Variants in PELI2 observed in about 807,000 individuals in gnomAD.
PELI2 encodes E3 ubiquitin-protein ligase pellino homolog 2.
A neutral mutation model predicts 42.3 loss-of-function variants in PELI2; 23 were observed. The observed-to-expected ratio is 0.54, with a 90% confidence interval of 0.39 to 0.77. PELI2 has a LOEUF of 0.77. Ranked by LOEUF, PELI2 falls within the 30% of genes least tolerant of loss-of-function variation. The pLI is 0.00. For missense variants in PELI2, 463 were observed against 553.2 expected, an observed-to-expected ratio of 0.84 and a Z score of 1.64; for synonymous variants, 245 against 212.2, an observed-to-expected ratio of 1.15 and a Z score of -1.34.
intron 2 of PELI2, among the ~76,000 whole-genome samples, chr14:56,227,166 G>T (rs1389026629): frequency 6.6e-6 from 1 of 152,210 alleles, no homozygotes; most frequent in Non-Finnish European, 1.5e-5. Flanking sequence ...CATTAGGTGG[G>T]CCTGGGCAAG....
chr14:56,223,705 T>C (rs1887236285), intron 2 of PELI2, among the ~76,000 whole-genome samples: 2 of 152,238 alleles, frequency 1.3e-5, no homozygotes, highest in African/African-American at 2.4e-5. Flanking sequence ...ATTAACTCCA[T>C]TGAGGGCCAA....
At chr14:56,226,439 C>T (rs995475957) in intron 2 of PELI2, among the ~76,000 whole-genome samples, 1 of 152,194 alleles carries the variant, frequency 6.6e-6, no homozygotes, top group Non-Finnish European at 1.5e-5. Flanking sequence ...TTGTCCTTTT[C>T]TGGTAACAAT....
chr14:56,227,690 T>G (rs982048805), intron 2 of PELI2, among the ~76,000 whole-genome samples: 1 of 152,202 alleles, frequency 6.6e-6, no homozygotes, highest in Admixed American at 6.5e-5. Context: ...ACAGCGGACA[T>G]CCAGATCTCG....
In PELI2 at chr14:56,118,728, TG is replaced by T; in HGVS notation, c.70del (p.Val24CysfsTer38). The T allele has an allele frequency of 1.3e-6, 2 of 1,527,572 alleles. No homozygotes were observed. Among genetic ancestry groups the T allele is most frequent in the South Asian group, 1.2e-5 (1 of 82,674 alleles). 94.6% of individuals were successfully genotyped at this position (1,527,572 alleles called of 1,614,324 possible). On this transcript the variant is annotated frameshift_variant, in exon 1 of 6. Coordinates refer to ENST00000267460, the MANE Select transcript of PELI2 (RefSeq NM_021255.3). LOFTEE classifies it high-confidence loss of function. ...NKEPVKYGEL[V>X]VLGYNGALPN... is the part of the protein sequence containing the mutation. ...GAGCCAGTGAAATACGGGGAGCTGG[TG>T]GTGCTCGGGTGAGTCCTGGGGTCCC...
intron 2 of PELI2, among the ~76,000 whole-genome samples, chr14:56,228,670 C>T (rs1026450391): frequency 1.3e-5 from 2 of 152,220 alleles, no homozygotes; most frequent in African/African-American, 2.4e-5. Context: ...TTCCAGTCTA[C>T]AGCTCCCAGT....
intron 2 of PELI2, among the ~76,000 whole-genome samples, chr14:56,243,990 A>G (rs1888066386): frequency 6.6e-6 from 1 of 152,194 alleles, no homozygotes; most frequent in Non-Finnish European, 1.5e-5. Flanking sequence ...AACTTTGTCA[A>G]ATAGGGGCAT....
chr14:56,288,724 T>C lies in PELI2; in HGVS notation c.507+90T>C. On this transcript the variant is annotated intron_variant, in intron 4 of 5. Transcript: ENST00000267460. The surrounding 1 kb of genome is among the most constrained non-coding windows in gnomAD (Gnocchi z 4.6). Reference sequence around the variant, plus strand: ...AATTGGAGCAAAAAAAAATTGGCTTTGTATGTTGCCTCTAGTGAGATTTTG... The same window carrying C: ...AATTGGAGCAAAAAAAAATTGGCTTCGTATGTTGCCTCTAGTGAGATTTTG... 1.0e-6 allele frequency: 1 copy of C among 976,366 alleles called. No individual in the cohort carries two copies. Among genetic ancestry groups the C allele is most frequent in the South Asian group, 1.5e-5 (1 of 68,044 alleles). 60.5% of individuals were successfully genotyped at this position (976,366 alleles called of 1,614,324 possible).
chr14:56,231,465 T>C (rs972599408), intron 2 of PELI2, among the ~76,000 whole-genome samples: 5 of 152,164 alleles, frequency 3.3e-5, no homozygotes, highest in East Asian at 1.9e-4. Flanking sequence ...CACTCAAAAC[T>C]GCTCAACTAC....
In PELI2 at chr14:56,288,518, A is replaced by C; in HGVS notation, c.391A>C (p.Ile131Leu). 1 of 1,614,144 alleles carries C rather than the reference A, an allele frequency of 6.2e-7. No homozygotes were observed. The highest frequency in any genetic ancestry group is 8.5e-7 in the Non-Finnish European group (1 of 1,179,998). Residue 131 changes from isoleucine (I) to leucine (L), a missense_variant, in exon 4 of 6, where the codon ATC (isoleucine) becomes CTC (leucine). This residue lies in a region of PELI2 where 343 missense variants were observed against 378.4 expected (regional missense o/e 0.91). Coordinates refer to ENST00000267460, the MANE Select transcript of PELI2 (RefSeq NM_021255.3). This position sits in a 1 kb window ranked among gnomAD's most constrained non-coding sequence, Gnocchi z 4.6. The part of the protein sequence containing the change: ...SGSQNTDEAQ[I>L]TQSTISRFAC... ...CAGCCAGAACACGGACGAAGCCCAGATCACACAGAGCACCATATCCAGGTT... is the reference window on the plus strand; with the variant it reads ...CAGCCAGAACACGGACGAAGCCCAGCTCACACAGAGCACCATATCCAGGTT...
intron 2 of PELI2, among the ~76,000 whole-genome samples, chr14:56,235,263 A>G (rs963261858): frequency 6.6e-6 from 1 of 152,222 alleles, no homozygotes; most frequent in East Asian, 1.9e-4. Flanking sequence ...GTTACCTGCT[A>G]GAGAAGTAAA....
At chr14:56,137,786 G>A (rs1028420389) in intron 1 of PELI2, among the ~76,000 whole-genome samples, 3 of 152,204 alleles carry the variant, frequency 2.0e-5, no homozygotes, top group Admixed American at 1.3e-4. Context: ...TTAGGGAGTC[G>A]AAAACATTGA....
intron 1 of PELI2, among the ~76,000 whole-genome samples, chr14:56,130,431 G>A (rs1004534489): frequency 1.4e-5 from 2 of 144,480 alleles, no homozygotes; most frequent in African/African-American, 4.9e-5. Flanking sequence ...AAGCAGTTTT[G>A]TATGTTTTTA....
chr14:56,138,019 A>G (rs1011754065), intron 1 of PELI2, among the ~76,000 whole-genome samples: 24 of 151,972 alleles, frequency 1.6e-4, no homozygotes, highest in African/African-American at 4.8e-4. Flanking sequence ...CTGCCTCTGT[A>G]TCCGTGGAGG....
intron 1 of PELI2, among the ~76,000 whole-genome samples, chr14:56,132,505 AGCCCTGCTGGAGT>A: frequency 6.6e-6 from 1 of 152,168 alleles, no homozygotes; most frequent in African/African-American, 2.4e-5. Context: ...GTAGGCGGAC[AGCCCTGCTGGAGT>A]CACCCCCGCC....
intron 1 of PELI2, among the ~76,000 whole-genome samples, chr14:56,126,155 C>T (rs1161129148): frequency 6.6e-6 from 1 of 152,172 alleles, no homozygotes; most frequent in Non-Finnish European, 1.5e-5. Context: ...AAAGTCCTGC[C>T]TTGAAGGGAA....
chr14:56,295,864 G>A lies in PELI2; in HGVS notation c.697-736G>A, dbSNP rs185191449. 8.5e-4 allele frequency among the ~76,000 whole-genome samples: 130 copies of A among 152,384 alleles called. 1 individual carries two copies. Among genetic ancestry groups the A allele is most frequent in the Admixed American group, 4.8e-3 (74 of 15,306 alleles). On this transcript the variant is annotated intron_variant, in intron 5 of 5. Coordinates refer to ENST00000267460, the MANE Select transcript of PELI2 (RefSeq NM_021255.3). ...GGCATGTCTGCCTTCCACTACTGAA[G>A]AGCAAGTCTCAGCAGGATGGGGAAG... is the stretch of plus-strand genomic sequence containing the variant.
intron 2 of PELI2, among the ~76,000 whole-genome samples, chr14:56,183,907 C>G (rs763519508): frequency 6.6e-6 from 1 of 152,070 alleles, no homozygotes; most frequent in Non-Finnish European, 1.5e-5. Flanking sequence ...GTTGTCTTAG[C>G]TGAAATTCTA....
intron 2 of PELI2, among the ~76,000 whole-genome samples, chr14:56,214,116 G>A (rs1294108808): frequency 6.6e-6 from 1 of 152,214 alleles, no homozygotes; most frequent in Non-Finnish European, 1.5e-5. Context: ...GCCTCCCAAA[G>A]TGCTGGGATT....
intron 1 of PELI2, among the ~76,000 whole-genome samples, chr14:56,156,413 G>C (rs1309999243): frequency 2.0e-5 from 3 of 152,176 alleles, no homozygotes; most frequent in African/African-American, 7.2e-5. Context: ...GAGAGAGTTT[G>C]AGAATGTCTT....
Sources: allele counts gnomAD v4.1 joint callset (sites outside exome capture counted in the v4.1 genomes callset), GRCh38; gene constraint gnomAD v4.1.1; regional missense constraint gnomAD v4.1.1; non-coding constraint Gnocchi (gnomAD v3.1); transcripts MANE v1.5; gene names NCBI Gene and HGNC (gene_info 2026-07-23, HGNC 2026-07-21).